The following AK4 variants were observed in gnomAD, a reference collection of about 807,000 sequenced individuals.
The protein encoded by AK4 is adenylate kinase 4, mitochondrial.
Under a neutral mutation model 24.6 loss-of-function variants are expected in AK4, and 13 were observed. That is an observed-to-expected ratio of 0.53 (90% confidence interval 0.34 to 0.84). The LOEUF is 0.84. Ranked by LOEUF, AK4 falls within the 40% of genes least tolerant of loss-of-function variation. The pLI is 0.01. For synonymous variants in AK4, 88 were observed against 107.0 expected (o/e 0.82, Z 1.10); for missense variants, 192 against 288.2 (o/e 0.67, Z 2.42).
chr1:65,172,042 C>A (rs1408492669), intron 1 of AK4, among the ~76,000 whole-genome samples: 1 of 127,526 alleles, frequency 7.8e-6, no homozygotes, highest in Admixed American at 8.4e-5. Flanking sequence ...ACCTGAGCAA[C>A]AGAGAGAGAC....
intron 2 of AK4, among the ~76,000 whole-genome samples, chr1:65,196,861 G>A (rs558234311): frequency 6.6e-6 from 1 of 152,262 alleles, no homozygotes; most frequent in Non-Finnish European, 1.5e-5. Flanking sequence ...ACAAGAAAAA[G>A]GGTTTAATGG....
At chr1:65,210,959 T>C (rs900035270) in intron 2 of AK4, among the ~76,000 whole-genome samples, 1 of 152,242 alleles carries the variant, frequency 6.6e-6, no homozygotes, top group African/African-American at 2.4e-5. Flanking sequence ...AGCTTGCCTC[T>C]GGATCTATAT....
chr1:65,194,472 CT>C (rs1285375634), intron 2 of AK4, among the ~76,000 whole-genome samples: 35 of 147,204 alleles, frequency 2.4e-4, no homozygotes, highest in East Asian at 3.9e-4. Context: ...TGAGTAATTT[CT>C]TTTTTTTTTT....
At chr1:65,203,043 T>A (rs1220541981) in intron 2 of AK4, among the ~76,000 whole-genome samples, 2 of 151,980 alleles carry the variant, frequency 1.3e-5, no homozygotes, top group African/African-American at 4.8e-5. Context: ...TGGCCAATTT[T>A]AAAACTTGTT....
chr1:65,151,657 A>G (rs932154524), intron 1 of AK4, among the ~76,000 whole-genome samples: 1 of 152,214 alleles, frequency 6.6e-6, no homozygotes, highest in African/African-American at 2.4e-5. Context: ...CCGAGTCTGT[A>G]TTAAAGGCCT....
chr1:65,169,862 T>C (rs867750732), intron 1 of AK4, among the ~76,000 whole-genome samples: 1 of 152,002 alleles, frequency 6.6e-6, no homozygotes, highest in African/African-American at 2.4e-5. Flanking sequence ...TATTATTTTT[T>C]CTTGGTCATT....
intron 2 of AK4, among the ~76,000 whole-genome samples, chr1:65,192,539 G>A (rs537653171): frequency 3.9e-5 from 6 of 152,230 alleles, no homozygotes; most frequent in South Asian, 2.1e-4. Flanking sequence ...AAAACAACTC[G>A]TGTCCTTCTC....
At chr1:65,151,314 A>G (rs1353815978) in intron 1 of AK4, among the ~76,000 whole-genome samples, 2 of 152,194 alleles carry the variant, frequency 1.3e-5, no homozygotes, top group Non-Finnish European at 2.9e-5. Flanking sequence ...GCAGTCATAT[A>G]TCATGCAGTG....
At chr1:65,148,631 G>A in intron 1 of AK4, 79 bp downstream of exon 1, 1 of 1,436,368 alleles carries the variant, frequency 7.0e-7, no homozygotes, top group Non-Finnish European at 9.2e-7. Flanking sequence ...GGGGCTCCCG[G>A]ATCACGGCGC....
intron 2 of AK4, among the ~76,000 whole-genome samples, chr1:65,192,552 A>G (rs1482633553): frequency 6.6e-6 from 1 of 152,194 alleles, no homozygotes; most frequent in Admixed American, 6.5e-5. Flanking sequence ...TCCTTCTCAC[A>G]TGCAAAATAT....
At chr1:65,155,035 G>C (rs942100001) in intron 1 of AK4, among the ~76,000 whole-genome samples, 5 of 151,770 alleles carry the variant, frequency 3.3e-5, no homozygotes, top group Admixed American at 3.3e-4. Context: ...ATTTTTAATA[G>C]AGACGGGGTT....
chr1:65,220,684 C>T (rs1652269582), intron 3 of AK4, among the ~76,000 whole-genome samples: 1 of 152,096 alleles, frequency 6.6e-6, no homozygotes, highest in Non-Finnish European at 1.5e-5. Context: ...CTATGCTAGC[C>T]AGGCTGGTCT....
rs1019830815 is a variant in AK4, at chr1:65,231,578, C to A, written c.*5401C>A. ...TCTAATTCATTTTATAAAAATTATT[C>A]TTGTCTTCATTTTAAAGCTTTGGCT... On this transcript the variant is annotated 3_prime_UTR_variant, in exon 5 of 5. Coordinates refer to ENST00000327299, the MANE Select transcript of AK4 (RefSeq NM_013410.4). 2 of 152,102 alleles carry A rather than the reference C, an allele frequency of 1.3e-5. No individual in the cohort carries two copies. The highest frequency in any genetic ancestry group is 4.8e-5 in the African/African-American group (2 of 41,406). 9.4% of individuals were successfully genotyped at this position (152,102 alleles called of 1,614,324 possible). A position where few individuals can be genotyped will look rare whatever the true frequency, so the allele number is the denominator to read the frequency against.
chr1:65,178,913 TCCTAAGGAGTATTCATCCATGC>T (rs1181766237), intron 1 of AK4, among the ~76,000 whole-genome samples: 4 of 152,156 alleles, frequency 2.6e-5, no homozygotes, highest in Non-Finnish European at 5.9e-5. Context: ...TTGAATGCTA[TCCTAAGGAGTATTCATCCATGC>T]CATCCTACAA....
chr1:65,162,720 C>T (rs1650208701), intron 1 of AK4, among the ~76,000 whole-genome samples: 1 of 151,916 alleles, frequency 6.6e-6, no homozygotes, highest in African/African-American at 2.4e-5. Context: ...CTATATTTTA[C>T]AGAGTTGTAA....
intron 1 of AK4, among the ~76,000 whole-genome samples, chr1:65,180,638 C>G (rs1650870389): frequency 6.6e-6 from 1 of 152,106 alleles, no homozygotes; most frequent in African/African-American, 2.4e-5. Context: ...TTAGGGATAA[C>G]TTATAGAATG....
intron 1 of AK4, among the ~76,000 whole-genome samples, chr1:65,163,769 T>C (rs1312442097): frequency 2.6e-5 from 4 of 152,158 alleles, no homozygotes; most frequent in African/African-American, 9.7e-5. Flanking sequence ...TCAATCTCCT[T>C]GAGCATTCAA....
rs186227036 is a variant in AK4, at chr1:65,218,914, A to C, written c.426A>C (p.Pro142=). 6.3e-7 allele frequency: 1 copy of C among 1,581,754 alleles called. No individual in the cohort carries two copies. The highest frequency in any genetic ancestry group is 1.4e-5 in the African/African-American group (1 of 73,182). ...SGRVYNLDFN[P]PHVHGIDDVT... is the part of the protein sequence containing the mutation. ...GGGTATATAACCTGGACTTCAATCC[A>C]CCTCATGTACATGTAAGAATATACA... is the stretch of plus-strand genomic sequence containing the variant. Residue 142 remains proline, a synonymous_variant, in exon 3 of 5, where the codon CCA becomes CCC. Transcript: ENST00000327299.
chr1:65,182,537 TA>T (rs961359415), intron 1 of AK4, among the ~76,000 whole-genome samples: 154 of 144,454 alleles, frequency 1.1e-3, no homozygotes, highest in Middle Eastern at 3.5e-3. Context: ...GACATTCAGA[TA>T]AAAAAAAAAA....
Sources: gnomAD v4.1 joint callset for allele counts (sites outside exome capture counted in the v4.1 genomes callset) on GRCh38, gnomAD v4.1.1 for gene constraint, MANE v1.5 for transcripts, NCBI Gene and HGNC (gene_info 2026-07-23, HGNC 2026-07-21) for gene names.